GXYLT1: variants seen among roughly 807,000 people sequenced by gnomAD.
GXYLT1 encodes glucoside xylosyltransferase 1, also known as glycosyltransferase 8 domain containing 3.
GXYLT1 carries 29 observed loss-of-function variants against 54.0 expected under a neutral mutation model. That is an observed-to-expected ratio of 0.54 (90% confidence interval 0.40 to 0.73). The LOEUF is 0.73. Ranked by LOEUF, GXYLT1 falls within the 30% of genes least tolerant of loss-of-function variation. The pLI is 0.00. For synonymous variants in GXYLT1, 176 were observed against 204.1 expected, an observed-to-expected ratio of 0.86 and a Z score of 1.17; for missense variants, 490 against 553.4, an observed-to-expected ratio of 0.89 and a Z score of 1.15.
chr12:42,129,729 T>C (rs2065583783), intron 2 of GXYLT1, 30 bp downstream of exon 2: 25 of 1,392,950 alleles, frequency 1.8e-5, no homozygotes, highest in Non-Finnish European at 2.3e-5. Context: ...TTATCTACAC[T>C]GATCTACCAA....
At chr12:42,120,391 C>A (rs1172396597) in intron 2 of GXYLT1, among the ~76,000 whole-genome samples, 1 of 152,200 alleles carries the variant, frequency 6.6e-6, no homozygotes, top group African/African-American at 2.4e-5. Flanking sequence ...GCTAGTCAAA[C>A]ACTAGTATGT....
intron 5 of GXYLT1, among the ~76,000 whole-genome samples, chr12:42,099,469 CCTAT>C (rs1466493323): frequency 6.6e-6 from 1 of 152,134 alleles, no homozygotes; most frequent in African/African-American, 2.4e-5. Flanking sequence ...AATTCTACAT[CCTAT>C]CTAATTTTTA....
chr12:42,109,801 T>C, intron 3 of GXYLT1, 110 bp from the exon 4 acceptor site: 1 of 624,950 alleles, frequency 1.6e-6, no homozygotes, highest in South Asian at 2.6e-5. Flanking sequence ...TAATATACAT[T>C]TTATGCTGTA....
chr12:42,089,407 A>G, intron 7 of GXYLT1, among the ~76,000 whole-genome samples: 1 of 152,042 alleles, frequency 6.6e-6, no homozygotes, highest in Non-Finnish European at 1.5e-5. Context: ...TAATGGGTGC[A>G]GCACACCAAC....
In GXYLT1 at chr12:42,087,744, G is replaced by C. The variant is rs746522164; in HGVS notation, c.*42C>G. 1.4e-6 allele frequency: 2 copies of C among 1,419,264 alleles called. No homozygotes were observed. Among genetic ancestry groups the C allele is most frequent in the Non-Finnish European group, 1.9e-6 (2 of 1,026,648 alleles). The allele number at this position is 1,419,264 out of a possible 1,614,324, so 87.9% of individuals were successfully genotyped here. ...GACGATTCCTTCACACTTATCTTCT[G>C]ATTCTTTGTTTTCATCCATTTGATT... On this transcript the variant is annotated 3_prime_UTR_variant, in exon 8 of 8. Transcript: ENST00000398675.
rs137928614 is a variant in GXYLT1 at position 42,110,523 on chromosome 12, T to C, written c.487-832A>G. 7.4e-3 allele frequency among the ~76,000 whole-genome samples: 1,129 copies of C among 152,348 alleles called. 15 individuals are homozygous for C. Among genetic ancestry groups the C allele is most frequent in the African/African-American group, 0.026 (1,062 of 41,580 alleles). On this transcript the variant is annotated intron_variant, in intron 3 of 7. Coordinates refer to ENST00000398675, the MANE Select transcript of GXYLT1 (RefSeq NM_173601.2). ...GGGAATGCCTTTACTTCCAACACTC[T>C]GCTTTGGTGTCTCTGATTATTTTAT...
At chr12:42,125,455 G>C (rs1480378961) in intron 2 of GXYLT1, among the ~76,000 whole-genome samples, 1 of 152,214 alleles carries the variant, frequency 6.6e-6, no homozygotes, top group Non-Finnish European at 1.5e-5. Context: ...GGAATGGGGA[G>C]AGAAAAGAGC....
At chr12:42,139,979 A>G (rs1293276813) in intron 1 of GXYLT1, among the ~76,000 whole-genome samples, 2 of 152,208 alleles carry the variant, frequency 1.3e-5, no homozygotes. Flanking sequence ...CAGGAGATGG[A>G]GACCATCCTG....
At chr12:42,142,499 GTTAATTTTTTT>G (rs1350414570) in intron 1 of GXYLT1, among the ~76,000 whole-genome samples, 1 of 150,686 alleles carries the variant, frequency 6.6e-6, no homozygotes, top group Non-Finnish European at 1.5e-5. Context: ...ACCACATTCA[GTTAATTTTTTT>G]TTAATTTTTT....
At chr12:42,097,299 A>G (rs868521030) in intron 7 of GXYLT1, 143 bp downstream of exon 7, 11 of 505,766 alleles carry the variant, frequency 2.2e-5, no homozygotes, top group African/African-American at 4.0e-5. Context: ...GAGAAAACCA[A>G]CGACAAAGCA....
At position 42,097,575 on chromosome 12, in the gene GXYLT1, G is replaced by A. The variant is rs778962544; in HGVS notation, c.1028C>T (p.Pro343Leu). 1 of 1,607,492 alleles carries A rather than the reference G, an allele frequency of 6.2e-7. No homozygotes were observed. The highest frequency in any genetic ancestry group is 8.5e-7 in the Non-Finnish European group (1 of 1,178,278). ...FVFPCQWNYR[P>L]DHCIYGSNCQ... Reference sequence around the variant, plus strand: ...ATTGCTTCCATATATACAATGATCTGGTCGATAATTCCATTGACACGGAAA... The same window carrying A: ...ATTGCTTCCATATATACAATGATCTAGTCGATAATTCCATTGACACGGAAA... The change falls in exon 7 of 8, where the codon CCA becomes CTA. Residue 343 changes from proline (P) to leucine (L), a missense_variant. Pro to Leu is a moderately conservative substitution (Grantham distance 98). Around this residue, in one of 2 missense-constraint regions of GXYLT1, gnomAD observed 342 missense variants for 342.6 expected, o/e 1.00. Coordinates refer to ENST00000398675, the MANE Select transcript of GXYLT1 (RefSeq NM_173601.2).
chr12:42,100,095 C>T (rs2065381096), intron 5 of GXYLT1, among the ~76,000 whole-genome samples: 1 of 151,872 alleles, frequency 6.6e-6, no homozygotes. Flanking sequence ...TTTGAAAACC[C>T]AAAGTTAAAT....
rs1326271890 is a variant in GXYLT1, at chr12:42,113,345, T to A, written c.487-3654A>T. Among the ~76,000 whole-genome samples the A allele has an allele frequency of 9.3e-5, 14 of 151,028 alleles. 2 individuals are homozygous for A. Among genetic ancestry groups the A allele is most frequent in the African/African-American group, 3.5e-4 (14 of 40,440 alleles). Reference sequence around the variant, plus strand: ...AAAAGACACAGACTGGCAAATTGGATAAAGAGTCAAGACCCATCAGTGTGC... The same window carrying A: ...AAAAGACACAGACTGGCAAATTGGAAAAAGAGTCAAGACCCATCAGTGTGC... On this transcript the variant is annotated intron_variant, in intron 3 of 7. Coordinates refer to ENST00000398675, the MANE Select transcript of GXYLT1 (RefSeq NM_173601.2).
chr12:42,097,414 G>C (rs747038768), intron 7 of GXYLT1, 28 bp downstream of exon 7: 5 of 1,514,492 alleles, frequency 3.3e-6, no homozygotes, highest in Non-Finnish European at 4.4e-6. Flanking sequence ...CAAACAAAAA[G>C]TTAAAAAAAA....
At chr12:42,106,226 C>CAT (rs987969314) in intron 4 of GXYLT1, among the ~76,000 whole-genome samples, 157 bp from the exon 5 acceptor site, 2 of 151,940 alleles carry the variant, frequency 1.3e-5, no homozygotes, top group Non-Finnish European at 2.9e-5. Flanking sequence ...TTAACAATAG[C>CAT]ATATATATAA....
chr12:42,103,930 T>C (rs2065404252), intron 5 of GXYLT1, among the ~76,000 whole-genome samples: 1 of 152,106 alleles, frequency 6.6e-6, no homozygotes, highest in African/African-American at 2.4e-5. Context: ...TGAATGATAT[T>C]TAAATAAGTA....
At chr12:42,096,598 T>C (rs1042115038) in intron 7 of GXYLT1, among the ~76,000 whole-genome samples, 1 of 152,174 alleles carries the variant, frequency 6.6e-6, no homozygotes, top group African/African-American at 2.4e-5. Context: ...TGTCAAATGA[T>C]GTATGTGGAA....
intron 1 of GXYLT1, among the ~76,000 whole-genome samples, chr12:42,142,088 T>C (rs1342301840): frequency 6.6e-6 from 1 of 152,130 alleles, no homozygotes; most frequent in Non-Finnish European, 1.5e-5. Flanking sequence ...AAGGCAAAAA[T>C]GCAATAATAC....
chr12:42,135,321 GCT>G (rs2065613731), intron 1 of GXYLT1, among the ~76,000 whole-genome samples: 1 of 152,174 alleles, frequency 6.6e-6, no homozygotes, highest in Non-Finnish European at 1.5e-5. Context: ...ATAAATGCTT[GCT>G]ATTGTAAACT....
Sources: allele counts gnomAD v4.1 joint callset (sites outside exome capture counted in the v4.1 genomes callset), GRCh38; gene constraint gnomAD v4.1.1; regional missense constraint gnomAD v4.1.1; transcripts MANE v1.5; gene names NCBI Gene and HGNC (gene_info 2026-07-23, HGNC 2026-07-21).